The following MIA2 variants were observed in gnomAD, a reference collection of about 807,000 sequenced individuals.
MIA2 encodes the protein melanoma inhibitory activity protein 2.
In MIA2, 127 loss-of-function variants were observed where a neutral mutation model predicts 167.8. The ratio of observed to expected loss-of-function variants is 0.76; its 90% confidence interval spans 0.66 to 0.88. The LOEUF is 0.88. MIA2 is among the 40% of genes least tolerant of loss of function. The pLI is 0.00. For synonymous variants in MIA2, 552 were observed against 541.9 expected (o/e 1.02, Z -0.26); for missense variants, 1,690 against 1,624.7 (o/e 1.04, Z -0.69).
chr14:39,377,758 T>TC (rs199686598), intron 23 of MIA2, among the ~76,000 whole-genome samples: 4 of 123,800 alleles, frequency 3.2e-5, no homozygotes. Flanking sequence ...ACAGGCTCTC[T>TC]CCCTTTTTTT....
At chr14:39,351,391 CAAAAAA>C (rs1391524814), downstream of MIA2, 1 of 132,790 alleles carries the variant, frequency 7.5e-6, no homozygotes, top group Admixed American at 7.4e-5. Context: ...AAAAAAAAAA[CAAAAAA>C]CAAAAAACTA....
chr14:39,303,007 T>C (rs1465900036), intron 15 of MIA2, among the ~76,000 whole-genome samples: 1 of 152,170 alleles, frequency 6.6e-6, no homozygotes, highest in Admixed American at 6.5e-5. Flanking sequence ...AACATTAATA[T>C]GTTGGAAAAA....
At chr14:39,336,750 T>C (rs2070503720) in intron 25 of MIA2, among the ~76,000 whole-genome samples, 1 of 152,166 alleles carries the variant, frequency 6.6e-6, no homozygotes, top group African/African-American at 2.4e-5. Context: ...AAAAATTTAT[T>C]AAAAAATTTT....
chr14:39,334,201 G>A (rs1595750175), intron 25 of MIA2, among the ~76,000 whole-genome samples: 1 of 152,222 alleles, frequency 6.6e-6, no homozygotes, highest in Admixed American at 6.5e-5. Flanking sequence ...CAGGCCGGGT[G>A]TGGTGGCTCA....
exon 24 of MIA2, chr14:39,387,079 CCTAA>C (rs1453349182): frequency 4.7e-6 from 3 of 644,774 alleles, no homozygotes; most frequent in Admixed American, 3.0e-5. Flanking sequence ...GAAGCCTTGG[CCTAA>C]CTGTCTCGGA....
At chr14:39,325,148 A>G (rs536183540) in intron 24 of MIA2, among the ~76,000 whole-genome samples, 3 of 152,032 alleles carry the variant, frequency 2.0e-5, no homozygotes, top group Admixed American at 2.0e-4. Flanking sequence ...GCTTGAGCCT[A>G]GGAGGCGGAG....
chr14:39,288,459 ATATATATATATATATAT>A (rs1163437779), intron 9 of MIA2, among the ~76,000 whole-genome samples: 1 of 17,286 alleles, frequency 5.8e-5, no homozygotes, highest in African/African-American at 1.4e-4. Context: ...ATATATATAT[ATATATATATATATATAT>A]TTTTTTTTTT....
chr14:39,361,519 A>G (rs1462654507), intron 23 of MIA2, among the ~76,000 whole-genome samples: 3 of 151,272 alleles, frequency 2.0e-5, no homozygotes, highest in South Asian at 4.2e-4. Context: ...GCTCACTGCA[A>G]CTTCCGCCTC....
chr14:39,311,067 A>G (rs1282424400), intron 18 of MIA2, among the ~76,000 whole-genome samples: 1 of 152,180 alleles, frequency 6.6e-6, no homozygotes, highest in African/African-American at 2.4e-5. Context: ...TTTGATGAGT[A>G]ATGTTTAACA....
chr14:39,295,132 T>G, intron 13 of MIA2, 103 bp downstream of exon 13: 1 of 783,930 alleles, frequency 1.3e-6, no homozygotes, highest in Non-Finnish European at 2.2e-6. Flanking sequence ...AGGCTTTTCC[T>G]TGAGAGCATG....
At chr14:39,376,461 TTA>T (rs1458735883) in intron 23 of MIA2, among the ~76,000 whole-genome samples, 56 of 152,290 alleles carry the variant, frequency 3.7e-4, no homozygotes, top group African/African-American at 1.1e-3. Flanking sequence ...CATTTAAAAA[TTA>T]TGTTTAATAT....
intron 6 of MIA2, among the ~76,000 whole-genome samples, chr14:39,275,088 A>ATTT (rs2057770648): frequency 7.4e-6 from 1 of 134,780 alleles, no homozygotes; most frequent in Non-Finnish European, 1.6e-5. Context: ...AAAAAAAAAA[A>ATTT]ATTTTTTTTT....
chr14:39,245,081 C>CTTTTTTTTTTTTTTTTTTT (rs10683715), intron 3 of MIA2, among the ~76,000 whole-genome samples: 2 of 119,716 alleles, frequency 1.7e-5, no homozygotes, highest in Non-Finnish European at 3.3e-5. Flanking sequence ...CCTAGCTAAC[C>CTTTTTTTTTTTTTTTTTTT]TTTTTTTTTT....
At chr14:39,322,767 T>C (rs977956840) in intron 24 of MIA2, among the ~76,000 whole-genome samples, 3 of 152,184 alleles carry the variant, frequency 2.0e-5, no homozygotes, top group African/African-American at 7.2e-5. Flanking sequence ...TAAAGTTTTA[T>C]CTTAATTTGT....
At chr14:39,290,878 A>T (rs530471824) in intron 9 of MIA2, 141 bp from the exon 10 acceptor site, 7 of 750,308 alleles carry the variant, frequency 9.3e-6, no homozygotes, top group African/African-American at 1.9e-5. Flanking sequence ...GGTCAGATTT[A>T]AAAAACTTAA....
chr14:39,236,248 C>T (rs1228097150), intron 1 of MIA2, among the ~76,000 whole-genome samples: 1 of 152,052 alleles, frequency 6.6e-6, no homozygotes, highest in African/African-American at 2.4e-5. Flanking sequence ...AAAGGGCAAT[C>T]GCAGTAGGCT....
chr14:39,251,860 T>C (rs551538221), intron 4 of MIA2, among the ~76,000 whole-genome samples: 5 of 152,304 alleles, frequency 3.3e-5, no homozygotes, highest in Non-Finnish European at 7.4e-5. Flanking sequence ...CTCTTTATTA[T>C]TGTTTTTCAG....
chr14:39,297,666 C>CATGTGTGTGTGT (rs1555375077), intron 13 of MIA2, among the ~76,000 whole-genome samples: 1 of 140,074 alleles, frequency 7.1e-6, no homozygotes, highest in Non-Finnish European at 1.5e-5. Context: ...TAGGGTTTTG[C>CATGTGTGTGTGT]GTGTGTGTGT....
chr14:39,248,036 C>A lies in MIA2; in HGVS notation c.1462C>A (p.Gln488Lys). ...ELPFPKQILD[Q>K]NNVIENEETG... is the part of the protein sequence containing the mutation. ...GCCATTTCCCAAACAGATACTGGAT[C>A]AAAATAATGTAATTGAAAATGAAGA... The change falls in exon 4 of 29, where the codon CAA (glutamine) becomes AAA (lysine). Residue 488 changes from glutamine to lysine, a missense_variant. Physicochemically the swap from Gln to Lys is moderately conservative, Grantham distance 53. Coordinates refer to ENST00000640607, the MANE Select transcript of MIA2 (RefSeq NM_001329214.4). 6.4e-7 allele frequency: 1 copy of A among 1,570,546 alleles called. No individual in the cohort carries two copies. The highest frequency in any genetic ancestry group is 1.2e-5 in the South Asian group (1 of 81,972).
Sources: allele counts gnomAD v4.1 joint callset (sites outside exome capture counted in the v4.1 genomes callset), GRCh38; gene constraint gnomAD v4.1.1; transcripts MANE v1.5; gene names NCBI Gene and HGNC (gene_info 2026-07-23, HGNC 2026-07-21).